The following HS3ST1 variants were observed in gnomAD, a reference collection of about 807,000 sequenced individuals.
HS3ST1 encodes heparan sulfate-glucosamine 3-sulfotransferase 1.
A neutral mutation model predicts 20.7 loss-of-function variants in HS3ST1; 8 were observed. The observed-to-expected ratio is 0.39, with a 90% CI of 0.23 to 0.70. The LOEUF (loss-of-function observed/expected upper bound fraction) is 0.70. Among genes scored for constraint, HS3ST1 ranks in the 30% least tolerant of loss-of-function variants. The pLI is 0.46. For synonymous variants in HS3ST1, 205 were observed against 190.4 expected, an observed-to-expected ratio of 1.08 and a Z score of -0.63; for missense variants, 436 against 423.4, an observed-to-expected ratio of 1.03 and a Z score of -0.26.
chr4:11,411,434 T>G (rs1258890089), intron 1 of HS3ST1, among the ~76,000 whole-genome samples: 2 of 152,236 alleles, frequency 1.3e-5, no homozygotes, highest in Non-Finnish European at 2.9e-5. Context: ...AAGTTGAATA[T>G]TTCATTATAC....
At chr4:11,426,363 G>GC (rs60371655) in intron 1 of HS3ST1, among the ~76,000 whole-genome samples, 52,239 of 145,628 alleles carry the variant, frequency 0.36, 9,272 homozygotes, top group East Asian at 0.48. Context: ...CCCTTCAGAG[G>GC]CCCCCCCCCC....
intron 1 of HS3ST1, among the ~76,000 whole-genome samples, chr4:11,423,567 G>T (rs1309733296): frequency 6.6e-6 from 1 of 152,070 alleles, no homozygotes; most frequent in African/African-American, 2.4e-5. Context: ...TGTTTTGTCT[G>T]TCTCCTCTGC....
At chr4:11,425,079 C>T (rs1719028451) in intron 1 of HS3ST1, among the ~76,000 whole-genome samples, 1 of 152,192 alleles carries the variant, frequency 6.6e-6, no homozygotes. Flanking sequence ...GATTCCAAAT[C>T]CTTAAAATAG....
intron 1 of HS3ST1, among the ~76,000 whole-genome samples, chr4:11,411,635 A>C (rs1337414013): frequency 6.6e-6 from 1 of 152,202 alleles, no homozygotes. Flanking sequence ...GTTATCTCTT[A>C]TTATAATTAC....
At chr4:11,410,387 C>T (rs1718587541) in intron 1 of HS3ST1, among the ~76,000 whole-genome samples, 1 of 152,192 alleles carries the variant, frequency 6.6e-6, no homozygotes, top group African/African-American at 2.4e-5. Context: ...CGAACACAAT[C>T]TTGGAGAAAA....
intron 1 of HS3ST1, among the ~76,000 whole-genome samples, chr4:11,407,657 T>C (rs1718505183): frequency 6.6e-6 from 1 of 152,184 alleles, no homozygotes; most frequent in East Asian, 1.9e-4. Flanking sequence ...AGGATCTGGA[T>C]AAAAAATTCG....
At chr4:11,425,291 C>T (rs549325071) in intron 1 of HS3ST1, among the ~76,000 whole-genome samples, 4 of 152,100 alleles carry the variant, frequency 2.6e-5, no homozygotes, top group African/African-American at 4.8e-5. Flanking sequence ...AAGGGGGACC[C>T]GGGTCATCTC....
intron 1 of HS3ST1, among the ~76,000 whole-genome samples, chr4:11,427,321 C>T (rs1472233320): frequency 6.6e-6 from 1 of 152,036 alleles, no homozygotes; most frequent in Non-Finnish European, 1.5e-5. Flanking sequence ...GGGCTACTGG[C>T]GGGAGGCGCA....
chr4:11,407,412 G>A (rs562881101), intron 1 of HS3ST1, among the ~76,000 whole-genome samples: 1 of 152,240 alleles, frequency 6.6e-6, no homozygotes, highest in Admixed American at 6.5e-5. Context: ...ATTTACAAAC[G>A]TTTAACTGGA....
intron 1 of HS3ST1, among the ~76,000 whole-genome samples, chr4:11,405,378 G>A (rs552763363): frequency 2.0e-5 from 3 of 152,252 alleles, no homozygotes; most frequent in Admixed American, 2.0e-4. Flanking sequence ...TGCCAGGCAT[G>A]GGAAACCCAA....
In HS3ST1 at chr4:11,394,724, G is replaced by T. The variant is rs6827485; in HGVS notation, c.*4358C>A. 0.72 allele frequency: 108,938 copies of T among 152,152 alleles called. 39,096 individuals are homozygous for T. The highest frequency in any genetic ancestry group is 0.83 in the East Asian group (4,293 of 5,170). 9.4% of individuals were successfully genotyped at this position (152,152 alleles called of 1,614,324 possible). A position where few individuals can be genotyped will look rare whatever the true frequency, so the allele number is the denominator to read the frequency against. ...ACCCACAAATAGATGGACTGAAAAG[G>T]AGCAGAGACATCGGAGACAAAATTT... On this transcript the variant is annotated 3_prime_UTR_variant, in exon 2 of 2. Transcript: ENST00000002596.
At chr4:11,411,449 G>A (rs568276671) in intron 1 of HS3ST1, among the ~76,000 whole-genome samples, 37 of 152,260 alleles carry the variant, frequency 2.4e-4, no homozygotes, top group South Asian at 6.2e-4. Context: ...TTATACTGAT[G>A]CTTCAGGTTC....
At chr4:11,428,425 A>T (rs1419579141) in intron 1 of HS3ST1, 1 of 152,274 alleles carries the variant, frequency 6.6e-6, no homozygotes, top group Non-Finnish European at 1.5e-5. Context: ...AAAACATCCA[A>T]CCCAGTAAGA....
rs1560230535 is a variant in HS3ST1 at position 11,399,314 on chromosome 4, A to G, written c.692T>C (p.Val231Ala). The G allele has an allele frequency of 1.9e-6, 3 of 1,613,934 alleles. No homozygotes were observed. Among genetic ancestry groups the G allele is most frequent in the Non-Finnish European group, 2.5e-6 (3 of 1,180,016 alleles). The change falls in exon 2 of 2, where the codon GTC (valine) becomes GCC (alanine). Residue 231 changes from valine (V) to alanine (A), a missense_variant. By Grantham distance (64) the Val-to-Ala change is moderately conservative (BLOSUM62 0). Coordinates refer to ENST00000002596, the MANE Select transcript of HS3ST1 (RefSeq NM_005114.4). This position sits in a 1 kb window ranked among gnomAD's most constrained non-coding sequence, Gnocchi z 5.1. Reference sequence around the variant, plus strand: ...CGGCGACAGCTTTAGGAACCTCTCGACCTTTTGGATCTCAGGGAAGGGGTC... The same window carrying G: ...CGGCGACAGCTTTAGGAACCTCTCGGCCTTTTGGATCTCAGGGAAGGGGTC... ...IRDPFPEIQK[V>A]ERFLKLSPQI... is the part of the protein sequence containing the mutation.
At chr4:11,425,443 T>C (rs1001663236) in intron 1 of HS3ST1, among the ~76,000 whole-genome samples, 4 of 152,186 alleles carry the variant, frequency 2.6e-5, no homozygotes, top group Non-Finnish European at 4.4e-5. Context: ...TGTATTATGT[T>C]AAAAGGAAAA....
intron 1 of HS3ST1, among the ~76,000 whole-genome samples, chr4:11,427,068 G>A (rs1719078786): frequency 6.6e-6 from 1 of 152,038 alleles, no homozygotes. Flanking sequence ...TAGAAATGCA[G>A]GGAGGCAGAA....
chr4:11,424,137 AC>A (rs1719005613), intron 1 of HS3ST1, among the ~76,000 whole-genome samples: 1 of 151,102 alleles, frequency 6.6e-6, no homozygotes, highest in South Asian at 2.1e-4. Flanking sequence ...ACCCCCACTT[AC>A]CCAGGCACAG....
chr4:11,399,937 G>T lies in HS3ST1; in HGVS notation c.69C>A (p.Ala23=). The T allele has an allele frequency of 1.3e-6, 2 of 1,579,476 alleles. No individual in the cohort carries two copies. The highest frequency in any genetic ancestry group is 2.3e-5 in the East Asian group (1 of 43,044). The change falls in exon 2 of 2, where the codon GCC becomes GCA. Residue 23 remains alanine, a synonymous_variant. Transcript: ENST00000002596. This position sits in a 1 kb window ranked among gnomAD's most constrained non-coding sequence, Gnocchi z 5.1. The part of the protein sequence containing the change: ...AQPQLVPSRP[A]ELGQQELLRK... ...GCAGAAGCTCCTGCTGGCCTAGCTC[G>T]GCGGGGCGGGAAGGCACTAGCTGGG... is the stretch of plus-strand genomic sequence containing the variant.
In HS3ST1 at chr4:11,399,101, C is replaced by T; in HGVS notation, c.905G>A (p.Arg302Lys). The T allele has an allele frequency of 1.9e-6, 3 of 1,611,896 alleles. No individual in the cohort carries two copies. Among genetic ancestry groups the T allele is most frequent in the Admixed American group, 3.3e-5 (2 of 59,966 alleles). The change falls in exon 2 of 2, where the codon AGA becomes AAA. Residue 302 changes from arginine to lysine, a missense_variant. Coordinates refer to ENST00000002596, the MANE Select transcript of HS3ST1 (RefSeq NM_005114.4). The surrounding 1 kb of genome is among the most constrained non-coding windows in gnomAD (Gnocchi z 5.1). ...TGCAAATCAGTGCCAGTCAAATGTT[C>T]TGCCAACAAGCTCGAAGAACTTCTT... ...PNKKFFELVGRTFDWH is the reference protein window; with the variant it reads ...PNKKFFELVGKTFDWH
Sources: gnomAD v4.1 joint callset for allele counts (sites outside exome capture counted in the v4.1 genomes callset) on GRCh38, gnomAD v4.1.1 for gene constraint, Gnocchi (gnomAD v3.1) non-coding constraint, MANE v1.5 for transcripts, NCBI Gene and HGNC (gene_info 2026-07-23, HGNC 2026-07-21) for gene names.